TANC2: variants seen among roughly 807,000 people sequenced by gnomAD.
The protein encoded by TANC2 is protein TANC2.
TANC2 carries 26 observed loss-of-function variants against 210.5 expected under a neutral mutation model. The ratio of observed to expected loss-of-function variants is 0.12; its 90% CI spans 0.09 to 0.17. The LOEUF (loss-of-function observed/expected upper bound fraction) is 0.17, where lower values mean the gene tolerates loss of function less well. Ranked by LOEUF, TANC2 falls within the 10% of genes least tolerant of loss-of-function variation. TANC2 has a pLI of 1.00. For missense variants in TANC2, 2,129 were observed against 2,608.9 expected, an observed-to-expected ratio of 0.82 and a Z score of 4.01; for synonymous variants, 931 against 967.1, an observed-to-expected ratio of 0.96 and a Z score of 0.69.
intron 11 of TANC2, among the ~76,000 whole-genome samples, chr17:63,333,486 G>C (rs1198035028): frequency 6.6e-6 from 1 of 152,126 alleles, no homozygotes; most frequent in Non-Finnish European, 1.5e-5. Context: ...ATGGATGTGG[G>C]GTTGCTTCCT....
intron 4 of TANC2, chr17:63,148,397 A>G (rs961996604): frequency 9.8e-5 from 15 of 152,314 alleles, no homozygotes; most frequent in African/African-American, 3.4e-4. Flanking sequence ...CTGTGACTTT[A>G]TGAGGAAACT....
At chr17:63,050,381 A>T (rs1347074444) in intron 2 of TANC2, among the ~76,000 whole-genome samples, 15 of 151,816 alleles carry the variant, frequency 9.9e-5, no homozygotes, top group African/African-American at 3.1e-4. Flanking sequence ...AAAAAGAAAG[A>T]AAGTGGAAAT....
chr17:63,275,100 A>G (rs956923542), intron 9 of TANC2, among the ~76,000 whole-genome samples: 3 of 152,210 alleles, frequency 2.0e-5, no homozygotes, highest in Admixed American at 2.0e-4. Context: ...GTGACTTTGA[A>G]TGGTAGCTAC....
intron 9 of TANC2, among the ~76,000 whole-genome samples, chr17:63,311,326 A>G (rs1391831214): frequency 6.6e-6 from 1 of 152,244 alleles, no homozygotes; most frequent in Non-Finnish European, 1.5e-5. Flanking sequence ...ATGTTTTATC[A>G]TGTAGAGAGA....
intron 14 of TANC2, among the ~76,000 whole-genome samples, chr17:63,358,551 C>G (rs967277440): frequency 6.6e-6 from 1 of 152,176 alleles, no homozygotes; most frequent in Non-Finnish European, 1.5e-5. Context: ...TCCCACTGTT[C>G]ATCACTGTCA....
At chr17:63,040,647 C>G (rs1007630357) in intron 2 of TANC2, among the ~76,000 whole-genome samples, 1 of 152,032 alleles carries the variant, frequency 6.6e-6, no homozygotes, top group Non-Finnish European at 1.5e-5. Context: ...TTGCAGCTTA[C>G]TATGTTTTTG....
At chr17:63,124,969 G>A (rs952189334) in intron 4 of TANC2, 1 of 152,216 alleles carries the variant, frequency 6.6e-6, no homozygotes, top group Middle Eastern at 3.2e-3. Context: ...GTGCCCAAAA[G>A]ATTGGGGACC....
chr17:63,303,174 G>T (rs1228748624), intron 9 of TANC2, among the ~76,000 whole-genome samples: 1 of 152,182 alleles, frequency 6.6e-6, no homozygotes, highest in Non-Finnish European at 1.5e-5. Context: ...CACACTAGTT[G>T]ATGCAATTTC....
rs531526935 is a variant in TANC2, at chr17:63,185,373, G to A, written c.434-8618G>A. Reference sequence around the variant, plus strand: ...CTCCCAAAGTGCTGGAATTACAGGCGTGAGCCACTGCACTTGGCCTTGATG... The same window carrying A: ...CTCCCAAAGTGCTGGAATTACAGGCATGAGCCACTGCACTTGGCCTTGATG... On this transcript the variant is annotated intron_variant, in intron 5 of 27. Coordinates refer to ENST00000689528, the Ensembl canonical transcript of TANC2. Among the ~76,000 whole-genome samples, 28 of 152,250 alleles carry A rather than the reference G, an allele frequency of 1.8e-4. No homozygotes were observed. In the East Asian group the frequency reaches 2.5e-3, roughly 14 times the overall value.
chr17:63,193,952 T>C (rs1403780415), intron 5 of TANC2, 39 bp from the exon 6 acceptor site: 2 of 1,575,084 alleles, frequency 1.3e-6, no homozygotes, highest in Non-Finnish European at 1.7e-6. Flanking sequence ...ACCATTTTAT[T>C]TTGAAAGATT....
intron 7 of TANC2, among the ~76,000 whole-genome samples, chr17:63,233,766 A>G (rs539372343): frequency 9.2e-5 from 14 of 152,318 alleles, no homozygotes; most frequent in Admixed American, 1.3e-4. Flanking sequence ...GTTTTAGTCT[A>G]TTGAATTTAC....
chr17:63,312,200 A>G (rs1289633819), intron 9 of TANC2, among the ~76,000 whole-genome samples: 1 of 152,214 alleles, frequency 6.6e-6, no homozygotes, highest in Non-Finnish European at 1.5e-5. Context: ...TCAAATTCTA[A>G]TAATTATAGG....
chr17:63,183,072 CT>C (rs79736985), intron 5 of TANC2, among the ~76,000 whole-genome samples: 88,693 of 152,004 alleles, frequency 0.58, 27,862 homozygotes, highest in African/African-American at 0.81. Context: ...ATAATAGGAC[CT>C]TTTTTTTAAA....
intron 9 of TANC2, among the ~76,000 whole-genome samples, chr17:63,307,982 G>C (rs960173796): frequency 2.0e-5 from 3 of 152,064 alleles, no homozygotes; most frequent in African/African-American, 7.2e-5. Context: ...AGCCAGATTG[G>C]TCTCAATCTC....
intron 11 of TANC2, among the ~76,000 whole-genome samples, chr17:63,331,336 C>T (rs905338732): frequency 3.3e-5 from 5 of 152,168 alleles, no homozygotes; most frequent in Admixed American, 1.3e-4. Context: ...AAAGAAGTGG[C>T]TTACTAGTAT....
At chr17:63,311,501 T>C (rs1484534236) in intron 9 of TANC2, among the ~76,000 whole-genome samples, 1 of 152,222 alleles carries the variant, frequency 6.6e-6, no homozygotes, top group Non-Finnish European at 1.5e-5. Context: ...CTATTTTATC[T>C]ACTATCCCTC....
intron 9 of TANC2, among the ~76,000 whole-genome samples, chr17:63,312,011 G>A (rs1342640802): frequency 2.0e-5 from 3 of 152,096 alleles, no homozygotes; most frequent in Admixed American, 6.5e-5. Context: ...AATAGATAGC[G>A]GTGATGGTTG....
intron 4 of TANC2, among the ~76,000 whole-genome samples, chr17:63,113,847 T>G (rs1414762862): frequency 6.6e-6 from 1 of 152,216 alleles, no homozygotes. Context: ...TGTGGTATTA[T>G]CTGTTTTGAT....
At position 63,030,207 on chromosome 17, in the gene TANC2, G is replaced by A. The variant is rs890156107; in HGVS notation, c.67+20581G>A. Among the ~76,000 whole-genome samples, 3 of 152,076 alleles carry A rather than the reference G, an allele frequency of 2.0e-5. 1 individual carries two copies. Among genetic ancestry groups the A allele is most frequent in the African/African-American group, 4.8e-5 (2 of 41,414 alleles). Reference sequence around the variant, plus strand: ...TAAAATTTGAATTTGATTAGATCCCGTAGAGTCTCCTCCCTGGTCAGTTTT... The same window carrying A: ...TAAAATTTGAATTTGATTAGATCCCATAGAGTCTCCTCCCTGGTCAGTTTT... On this transcript the variant is annotated intron_variant, in intron 2 of 27. Transcript: ENST00000689528.
Sources: gnomAD v4.1 joint callset for allele counts (sites outside exome capture counted in the v4.1 genomes callset) on GRCh38, gnomAD v4.1.1 for gene constraint, MANE v1.5 for transcripts, NCBI Gene and HGNC (gene_info 2026-07-23, HGNC 2026-07-21) for gene names.